ADAMTSL1: variants seen among roughly 807,000 people sequenced by gnomAD.
ADAMTSL1 encodes the protein ADAMTS-like protein 1.
ADAMTSL1 carries 126 observed loss-of-function variants against 201.8 expected under a neutral mutation model. That is an observed-to-expected ratio of 0.62 (90% CI 0.54 to 0.72). The LOEUF (loss-of-function observed/expected upper bound fraction) is 0.72, where lower values mean the gene tolerates loss of function less well. ADAMTSL1 is among the 30% of genes least tolerant of loss of function. The pLI is 0.00. For missense variants in ADAMTSL1, 2,679 were observed against 2,277.8 expected (o/e 1.18, Z -3.59); for synonymous variants, 1,121 against 903.4 (o/e 1.24, Z -4.32).
intron 2 of ADAMTSL1, among the ~76,000 whole-genome samples, chr9:18,519,238 G>C (rs976913321): frequency 2.0e-5 from 3 of 152,142 alleles, no homozygotes; most frequent in African/African-American, 7.2e-5. Flanking sequence ...ATGGTCTCAG[G>C]TTTTATTTTC....
At chr9:18,553,870 C>A (rs557176707) in intron 3 of ADAMTSL1, among the ~76,000 whole-genome samples, 20 of 151,876 alleles carry the variant, frequency 1.3e-4, no homozygotes, top group Admixed American at 4.6e-4. Flanking sequence ...TAGCTATGAT[C>A]TTTGTAGAAA....
At chr9:18,599,238 G>A (rs915003363) in intron 4 of ADAMTSL1, among the ~76,000 whole-genome samples, 1 of 152,288 alleles carries the variant, frequency 6.6e-6, no homozygotes, top group South Asian at 2.1e-4. Flanking sequence ...TTTTTGAATA[G>A]GGTAACAAGG....
At chr9:18,434,507 A>C (rs951272316) in intron 2 of ADAMTSL1, among the ~76,000 whole-genome samples, 1 of 152,220 alleles carries the variant, frequency 6.6e-6, no homozygotes, top group Non-Finnish European at 1.5e-5. Context: ...GGTGGGACAC[A>C]TGAGAACAGA....
chr9:18,015,922 C>T (rs1287382310), intron 1 of ADAMTSL1, among the ~76,000 whole-genome samples: 1 of 151,992 alleles, frequency 6.6e-6, no homozygotes, highest in Non-Finnish European at 1.5e-5. Flanking sequence ...ACCCTTTCTC[C>T]AGCTGTCTTG....
intron 2 of ADAMTSL1, among the ~76,000 whole-genome samples, chr9:18,323,832 G>T (rs942241323): frequency 2.0e-5 from 3 of 152,138 alleles, no homozygotes; most frequent in Admixed American, 6.5e-5. Flanking sequence ...AATCAAATAG[G>T]CCTAAATAAA....
At chr9:18,344,407 T>A (rs975800533) in intron 2 of ADAMTSL1, among the ~76,000 whole-genome samples, 1 of 152,160 alleles carries the variant, frequency 6.6e-6, no homozygotes, top group Non-Finnish European at 1.5e-5. Flanking sequence ...TCCTTCTGCC[T>A]CTGCGTTCCA....
intron 2 of ADAMTSL1, among the ~76,000 whole-genome samples, chr9:18,465,031 T>C (rs1279511221): frequency 6.6e-6 from 1 of 152,218 alleles, no homozygotes; most frequent in African/African-American, 2.4e-5. Context: ...GTTCTGAGAA[T>C]TCAATGTAGG....
intron 19 of ADAMTSL1, among the ~76,000 whole-genome samples, chr9:18,787,827 A>G (rs534747575): frequency 6.6e-6 from 1 of 152,306 alleles, no homozygotes; most frequent in African/African-American, 2.4e-5. Flanking sequence ...CCCTATCCCT[A>G]GTGGATAGGA....
rs140718975 is a variant in ADAMTSL1, at chr9:18,901,500, T to C, written c.4852-4282T>C. Among the ~76,000 whole-genome samples, 6 of 152,326 alleles carry C rather than the reference T, an allele frequency of 3.9e-5. No homozygotes were observed. The East Asian group carries it at 9.6e-4, about 24-fold the overall frequency. ...AATCTGTTAGTGAATATACAGCATA[T>C]AGATATAATTCTCAAACCAATAATG... On this transcript the variant is annotated intron_variant, in intron 26 of 28. Coordinates refer to ENST00000380548, the MANE Select transcript of ADAMTSL1 (RefSeq NM_001040272.6).
intron 2 of ADAMTSL1, among the ~76,000 whole-genome samples, chr9:18,413,860 TA>T (rs1818558012): frequency 6.6e-6 from 1 of 152,204 alleles, no homozygotes; most frequent in South Asian, 2.1e-4. Flanking sequence ...AGCTTTAAAA[TA>T]AAAGATTGGC....
intron 2 of ADAMTSL1, among the ~76,000 whole-genome samples, chr9:18,283,690 A>G (rs1244323696): frequency 6.7e-6 from 1 of 149,830 alleles, no homozygotes; most frequent in Non-Finnish European, 1.5e-5. Context: ...AGGCAGGCAG[A>G]TCACGAGGTC....
At chr9:18,142,522 A>G (rs886613849) in intron 1 of ADAMTSL1, among the ~76,000 whole-genome samples, 36 of 152,188 alleles carry the variant, frequency 2.4e-4, no homozygotes, top group African/African-American at 8.4e-4. Context: ...CTCAGGTTTT[A>G]CAGTGGGGAC....
In ADAMTSL1 at chr9:17,934,337, G is replaced by C. The variant is rs960691862; in HGVS notation, c.87+27415G>C. On this transcript the variant is annotated intron_variant, in intron 1 of 29. Transcript: ENST00000680146. The stretch of plus-strand genomic sequence containing the variant: ...CAGTTTCATAATTCTTCAAATCTCT[G>C]GGACCTACAAGCCATATTACTTCCA... Among the ~76,000 whole-genome samples the C allele has an allele frequency of 5.9e-5, 9 of 151,996 alleles. 1 individual carries two copies. Among genetic ancestry groups the C allele is most frequent in the Admixed American group, 3.9e-4 (6 of 15,254 alleles).
intron 23 of ADAMTSL1, among the ~76,000 whole-genome samples, chr9:18,884,316 T>G (rs1488876276): frequency 6.6e-6 from 1 of 152,208 alleles, no homozygotes; most frequent in African/African-American, 2.4e-5. Flanking sequence ...ATTCTGGATA[T>G]TAATCTCATC....
rs537640446 is a variant in ADAMTSL1, at chr9:18,297,078, C to G, written c.207+133097C>G. ...ATCACCTGAAGATCACATTTTCCAA[C>G]TGGAATTTGCTGGGAAATAACAAAA... On this transcript the variant is annotated intron_variant, in intron 2 of 29. Coordinates refer to the ADAMTSL1 transcript ENST00000680146. Among the ~76,000 whole-genome samples the G allele has an allele frequency of 2.6e-5, 4 of 152,280 alleles. No individual in the cohort carries two copies. The South Asian group carries it at 8.3e-4, about 32-fold the overall frequency.
chr9:18,835,848 A>G (rs376308189), intron 23 of ADAMTSL1, among the ~76,000 whole-genome samples: 14 of 152,208 alleles, frequency 9.2e-5, no homozygotes, highest in Admixed American at 6.5e-4. Flanking sequence ...CATTCTCTTT[A>G]TGGCTGCATA....
At chr9:18,512,474 G>A (rs1481079083) in intron 2 of ADAMTSL1, among the ~76,000 whole-genome samples, 1 of 151,556 alleles carries the variant, frequency 6.6e-6, no homozygotes, top group African/African-American at 2.4e-5. Flanking sequence ...TTGTTCAGTA[G>A]CCCTTCTAAA....
intron 2 of ADAMTSL1, among the ~76,000 whole-genome samples, chr9:18,319,481 A>G (rs1210052747): frequency 6.6e-6 from 1 of 152,114 alleles, no homozygotes; most frequent in Non-Finnish European, 1.5e-5. Flanking sequence ...AAACCAAGGG[A>G]TTTAAAGGTA....
intron 2 of ADAMTSL1, among the ~76,000 whole-genome samples, chr9:18,431,574 C>T (rs1819491910): frequency 6.6e-6 from 1 of 152,148 alleles, no homozygotes; most frequent in South Asian, 2.1e-4. Context: ...TTAGTCCAAA[C>T]TGCCACTCAA....
Sources: allele counts gnomAD v4.1 joint callset (sites outside exome capture counted in the v4.1 genomes callset), GRCh38; gene constraint gnomAD v4.1.1; transcripts MANE v1.5; gene names NCBI Gene and HGNC (gene_info 2026-07-23, HGNC 2026-07-21).